Variants in ASIC2 observed in about 807,000 individuals in gnomAD.
The protein encoded by ASIC2 is acid sensing ion channel subunit 2.
In ASIC2, 25 loss-of-function variants were observed where a neutral mutation model predicts 57.3. That is an observed-to-expected ratio of 0.44 (90% CI 0.32 to 0.61). The LOEUF is 0.61. Among genes scored for constraint, ASIC2 ranks in the 20% least tolerant of loss-of-function variants. ASIC2 has a pLI of 0.06. For missense variants in ASIC2, 641 were observed against 738.1 expected (o/e 0.87, Z 1.52); for synonymous variants, 319 against 307.5 (o/e 1.04, Z -0.39).
intron 1 of ASIC2, among the ~76,000 whole-genome samples, chr17:33,558,415 AC>A (rs1430358275): frequency 5.9e-5 from 9 of 152,160 alleles, no homozygotes; most frequent in Non-Finnish European, 8.8e-5. Flanking sequence ...ATGACCTTGA[AC>A]TTTTAGAGAT....
At chr17:33,273,387 C>T (rs773380321) in intron 1 of ASIC2, among the ~76,000 whole-genome samples, 1 of 152,162 alleles carries the variant, frequency 6.6e-6, no homozygotes, top group Non-Finnish European at 1.5e-5. Context: ...TAAGCAATCC[C>T]CTGATATAGG....
At chr17:33,917,886 A>G (rs1915619254) in intron 1 of ASIC2, among the ~76,000 whole-genome samples, 1 of 140,752 alleles carries the variant, frequency 7.1e-6, no homozygotes, top group South Asian at 2.4e-4. Context: ...ACACACGTGC[A>G]TGTGCACACA....
intron 3 of ASIC2, among the ~76,000 whole-genome samples, chr17:33,032,283 A>G (rs1332776184): frequency 1.3e-5 from 2 of 152,038 alleles, no homozygotes; most frequent in African/African-American, 2.4e-5. Context: ...GCTCTGTATT[A>G]TTATTCTTAG....
chr17:34,148,566 G>C (rs1041991928), intron 1 of ASIC2, among the ~76,000 whole-genome samples: 1 of 152,124 alleles, frequency 6.6e-6, no homozygotes, highest in African/African-American at 2.4e-5. Flanking sequence ...CTTTACAGAC[G>C]GGAGAGTCAG....
chr17:33,384,676 G>A (rs1295183784), intron 1 of ASIC2, among the ~76,000 whole-genome samples: 1 of 152,212 alleles, frequency 6.6e-6, no homozygotes, highest in African/African-American at 2.4e-5. Flanking sequence ...TTGGAAGAAG[G>A]ACGTGTCCTT....
At chr17:33,100,991 G>A (rs1299572558) in intron 2 of ASIC2, among the ~76,000 whole-genome samples, 2 of 152,184 alleles carry the variant, frequency 1.3e-5, no homozygotes, top group East Asian at 3.8e-4. Flanking sequence ...CTGATTTATG[G>A]CATCATTTCT....
At chr17:33,768,277 A>G (rs1910995161) in intron 1 of ASIC2, among the ~76,000 whole-genome samples, 1 of 152,164 alleles carries the variant, frequency 6.6e-6, no homozygotes, top group Admixed American at 6.5e-5. Flanking sequence ...AAGTGCTGGG[A>G]TCACAGACGT....
intron 1 of ASIC2, among the ~76,000 whole-genome samples, chr17:33,984,777 G>A (rs1905756755): frequency 6.6e-6 from 1 of 152,196 alleles, no homozygotes; most frequent in Non-Finnish European, 1.5e-5. Flanking sequence ...CACTATAGCT[G>A]TTGCTGAAAG....
At chr17:33,319,902 A>G (rs1263690919) in intron 1 of ASIC2, among the ~76,000 whole-genome samples, 1 of 152,202 alleles carries the variant, frequency 6.6e-6, no homozygotes, top group African/African-American at 2.4e-5. Context: ...ACTATCAAAT[A>G]CTACATCGTA....
rs1597924791 is a variant in ASIC2, at chr17:33,906,678, C to G, written c.555+249300G>C. On this transcript the variant is annotated intron_variant, in intron 1 of 9. Coordinates refer to the ASIC2 transcript ENST00000359872. ...TGAGACTACTGGTTTCATTCACCCT[C>G]TCCTATAAGGCTGTTGGAATGCAAG... Among the ~76,000 whole-genome samples the G allele has an allele frequency of 2.6e-5, 4 of 152,326 alleles. No individual in the cohort carries two copies. In the South Asian group the frequency reaches 8.3e-4, roughly 32 times the overall value.
intron 1 of ASIC2, among the ~76,000 whole-genome samples, chr17:33,351,626 A>C (rs1001256360): frequency 2.6e-5 from 4 of 152,004 alleles, no homozygotes; most frequent in African/African-American, 9.7e-5. Context: ...ATGTTTTCCT[A>C]CCTCCAAGCT....
At position 33,468,352 on chromosome 17, in the gene ASIC2, A is replaced by C. The variant is rs567891918; in HGVS notation, c.556-356285T>G. ...GTATTCTAGATGGAAGAAGATATTA[A>C]TAAGCAGTGTATCCAGGGATGAAGA... On this transcript the variant is annotated intron_variant, in intron 1 of 9. Coordinates refer to the ASIC2 transcript ENST00000359872. Among the ~76,000 whole-genome samples the C allele has an allele frequency of 1.3e-4, 20 of 152,346 alleles. 1 individual carries two copies. The East Asian group carries it at 3.1e-3, about 24-fold the overall frequency.
chr17:33,340,176 C>T (rs138289278), intron 1 of ASIC2, among the ~76,000 whole-genome samples: 4 of 152,276 alleles, frequency 2.6e-5, no homozygotes, highest in African/African-American at 9.6e-5. Flanking sequence ...CACCTTTGCT[C>T]TTGGTATATT....
chr17:33,187,517 A>G (rs1345633997), intron 1 of ASIC2, among the ~76,000 whole-genome samples: 1 of 152,170 alleles, frequency 6.6e-6, no homozygotes, highest in East Asian at 1.9e-4. Context: ...CTTAATAAAG[A>G]TGTGTTTGAG....
At chr17:33,501,169 T>C (rs541725119) in intron 1 of ASIC2, among the ~76,000 whole-genome samples, 1 of 152,242 alleles carries the variant, frequency 6.6e-6, no homozygotes. Flanking sequence ...TCCCTGGAGA[T>C]GCTGAGTGCT....
chr17:33,563,794 C>T (rs1025980799), intron 1 of ASIC2, among the ~76,000 whole-genome samples: 2 of 152,118 alleles, frequency 1.3e-5, no homozygotes, highest in East Asian at 1.9e-4. Context: ...CTTGCCCAAG[C>T]CCATCTGTAG....
chr17:33,698,168 G>T (rs2142067650), intron 1 of ASIC2, among the ~76,000 whole-genome samples: 1 of 152,234 alleles, frequency 6.6e-6, no homozygotes, highest in South Asian at 2.1e-4. Context: ...ATGCTATTTA[G>T]ATATAGTTAT....
chr17:33,578,997 G>A (rs529052321), intron 1 of ASIC2, among the ~76,000 whole-genome samples: 2 of 152,230 alleles, frequency 1.3e-5, no homozygotes, highest in African/African-American at 4.8e-5. Context: ...ATAGAATGCA[G>A]GTTAATGGTC....
intron 2 of ASIC2, among the ~76,000 whole-genome samples, chr17:33,096,549 C>T (rs186716203): frequency 6.6e-6 from 1 of 152,148 alleles, no homozygotes; most frequent in Non-Finnish European, 1.5e-5. Flanking sequence ...TGTGGAGACC[C>T]CTATCCAGCA....
Sources: gnomAD v4.1 joint callset for allele counts (sites outside exome capture counted in the v4.1 genomes callset) on GRCh38, gnomAD v4.1.1 for gene constraint, MANE v1.5 for transcripts, NCBI Gene and HGNC (gene_info 2026-07-23, HGNC 2026-07-21) for gene names.